Variants in MAML3 observed in about 807,000 individuals in gnomAD.
MAML3 encodes mastermind-like protein 3.
A neutral mutation model predicts 101.9 loss-of-function variants in MAML3; 27 were observed. The observed-to-expected ratio is 0.27, with a 90% confidence interval of 0.20 to 0.37. The LOEUF (loss-of-function observed/expected upper bound fraction) is 0.37. MAML3 is among the 10% of genes least tolerant of loss of function. The pLI is 1.00. For synonymous variants in MAML3, 501 were observed against 555.9 expected (o/e 0.90, Z 1.39); for missense variants, 1,316 against 1,444.9 (o/e 0.91, Z 1.45).
intron 2 of MAML3, among the ~76,000 whole-genome samples, chr4:139,847,950 T>C (rs1731478237): frequency 6.6e-6 from 1 of 152,210 alleles, no homozygotes; most frequent in South Asian, 2.1e-4. Flanking sequence ...CAGGAGACTA[T>C]TTTAGGGATC....
At chr4:140,088,041 C>T (rs1220538407) in intron 1 of MAML3, among the ~76,000 whole-genome samples, 4 of 152,074 alleles carry the variant, frequency 2.6e-5, no homozygotes, top group Admixed American at 6.6e-5. Context: ...TCAGCTTGGG[C>T]GACATCGCAA....
chr4:139,838,103 G>T lies in MAML3; in HGVS notation c.2079+51254C>A, dbSNP rs1489700776. Among the ~76,000 whole-genome samples the T allele has an allele frequency of 2.0e-5, 3 of 151,848 alleles. No homozygotes were observed. The East Asian group carries it at 5.8e-4, about 29-fold the overall frequency. ...GCGAGAGCATGGGTACATCGGCCAA[G>T]CCTGGGTTGGGACATGTTTTCCCAG... On this transcript the variant is annotated intron_variant, in intron 2 of 4. Transcript: ENST00000509479.
At chr4:139,867,989 A>G (rs1731932821) in intron 2 of MAML3, among the ~76,000 whole-genome samples, 1 of 152,184 alleles carries the variant, frequency 6.6e-6, no homozygotes, top group Admixed American at 6.5e-5. Flanking sequence ...CTTCCTTCAC[A>G]TTTCTCTAGA....
chr4:140,006,203 G>T (rs1271457008), intron 1 of MAML3, among the ~76,000 whole-genome samples: 1 of 152,018 alleles, frequency 6.6e-6, no homozygotes, highest in Non-Finnish European at 1.5e-5. Context: ...TTCCTAATTC[G>T]AGGGGGCCAA....
intron 2 of MAML3, among the ~76,000 whole-genome samples, chr4:139,775,993 C>A (rs976397476): frequency 2.0e-5 from 3 of 152,216 alleles, no homozygotes; most frequent in African/African-American, 7.2e-5. Context: ...AGCTCTGCTT[C>A]TACGGCTGCC....
intron 1 of MAML3, among the ~76,000 whole-genome samples, chr4:139,974,397 G>A (rs893966231): frequency 2.6e-5 from 4 of 152,032 alleles, no homozygotes; most frequent in African/African-American, 9.7e-5. Flanking sequence ...AAGCCACCGC[G>A]CCCGGCCATT....
chr4:139,818,609 A>AT (rs1258135495), intron 2 of MAML3, among the ~76,000 whole-genome samples: 2 of 152,208 alleles, frequency 1.3e-5, no homozygotes, highest in Non-Finnish European at 2.9e-5. Flanking sequence ...AACACTACAG[A>AT]ATACCAATGA....
At chr4:139,884,173 G>C (rs1967285) in intron 2 of MAML3, among the ~76,000 whole-genome samples, 152,292 of 152,298 alleles carry the variant, frequency 1, 76,143 homozygotes, top group Middle Eastern at 1. Context: ...CGTGAGCCAC[G>C]GCGCCTGGCT....
At chr4:139,792,955 C>A (rs1018608014) in intron 2 of MAML3, among the ~76,000 whole-genome samples, 4 of 151,992 alleles carry the variant, frequency 2.6e-5, no homozygotes, top group African/African-American at 9.7e-5. Flanking sequence ...ACCATGTTAG[C>A]CAGGATGGTC....
intron 2 of MAML3, among the ~76,000 whole-genome samples, chr4:139,834,680 G>C (rs1731227900): frequency 6.6e-6 from 1 of 152,180 alleles, no homozygotes; most frequent in Non-Finnish European, 1.5e-5. Flanking sequence ...GGGCTAATGT[G>C]GGGAAAGGTT....
chr4:139,809,899 C>CACACACAT (rs1430236137), intron 2 of MAML3, among the ~76,000 whole-genome samples: 1 of 151,442 alleles, frequency 6.6e-6, no homozygotes, highest in South Asian at 2.1e-4. Context: ...CACACACACA[C>CACACACAT]GGATGCTCCA....
chr4:140,116,883 T>C (rs1302110515), intron 1 of MAML3, among the ~76,000 whole-genome samples: 6 of 152,150 alleles, frequency 3.9e-5, no homozygotes, highest in African/African-American at 1.4e-4. Flanking sequence ...CATAGGGCAC[T>C]TTACATACAG....
intron 1 of MAML3, among the ~76,000 whole-genome samples, chr4:139,912,669 G>A (rs1010441518): frequency 7.2e-5 from 11 of 152,326 alleles, no homozygotes; most frequent in Admixed American, 2.0e-4. Context: ...GTGAAAACAC[G>A]AAGACATACA....
chr4:139,976,738 T>G (rs1734346135), intron 1 of MAML3, among the ~76,000 whole-genome samples: 2 of 152,246 alleles, frequency 1.3e-5, no homozygotes, highest in Admixed American at 1.3e-4. Context: ...AGGCATTTGC[T>G]TAATTAAGTT....
intron 1 of MAML3, among the ~76,000 whole-genome samples, chr4:139,937,859 T>C (rs1402199443): frequency 6.6e-6 from 1 of 152,170 alleles, no homozygotes; most frequent in Non-Finnish European, 1.5e-5. Context: ...CATCCATAAA[T>C]TACATCACAC....
intron 3 of MAML3, 79 bp from the exon 4 acceptor site, chr4:139,725,914 G>T: frequency 1.7e-6 from 2 of 1,196,396 alleles, no homozygotes; most frequent in Non-Finnish European, 2.5e-6. Flanking sequence ...GCAGTTCCGA[G>T]GAAGGTAGTG....
At chr4:139,851,624 A>T (rs184291708) in intron 2 of MAML3, among the ~76,000 whole-genome samples, 2 of 152,374 alleles carry the variant, frequency 1.3e-5, no homozygotes, top group Admixed American at 1.3e-4. Context: ...AAAGAATAAA[A>T]GTAAGATAGG....
intron 4 of MAML3, among the ~76,000 whole-genome samples, chr4:139,723,411 A>C (rs1402730764): frequency 1.3e-5 from 2 of 152,188 alleles, no homozygotes; most frequent in Non-Finnish European, 2.9e-5. Context: ...CCTGAGTTCA[A>C]GCAATTCTCC....
rs753500245 is a variant in MAML3, at chr4:139,889,778, A to G, written c.1658T>C (p.Ile553Thr). 4 of 1,613,938 alleles carry G rather than the reference A, an allele frequency of 2.5e-6. No homozygotes were observed. The highest frequency in any genetic ancestry group is 2.7e-5 in the African/African-American group (2 of 75,012). The change falls in exon 2 of 5, where the codon ATA (isoleucine) becomes ACA (threonine). Residue 553 changes from isoleucine (I) to threonine (T), a missense_variant. Coordinates refer to ENST00000509479, the MANE Select transcript of MAML3 (RefSeq NM_018717.5). ...CAGGTTGTTTGCCATTGGAGGCACTATAGGGTTTTGGTTGTTAAAGGCTTG... is the reference window on the plus strand; with the variant it reads ...CAGGTTGTTTGCCATTGGAGGCACTGTAGGGTTTTGGTTGTTAAAGGCTTG... The part of the protein sequence containing the change: ...YPQAFNNQNP[I>T]VPPMANNLQK...
Sources: allele counts gnomAD v4.1 joint callset (sites outside exome capture counted in the v4.1 genomes callset), GRCh38; gene constraint gnomAD v4.1.1; transcripts MANE v1.5; gene names NCBI Gene and HGNC (gene_info 2026-07-23, HGNC 2026-07-21).